The following ADAM32 variants were observed in gnomAD, a reference collection of about 807,000 sequenced individuals.
ADAM32 encodes the protein disintegrin and metalloproteinase domain-containing protein 32.
Under a neutral mutation model 114.9 loss-of-function variants are expected in ADAM32, and 89 were observed. The observed-to-expected ratio is 0.77, with a 90% confidence interval of 0.65 to 0.92. The LOEUF is 0.92. ADAM32 is among the 40% of genes least tolerant of loss of function. The pLI is 0.00. For synonymous variants in ADAM32, 285 were observed against 307.5 expected (o/e 0.93, Z 0.77); for missense variants, 870 against 932.8 (o/e 0.93, Z 0.88).
At chr8:39,125,288 T>C (rs112695645) in intron 2 of ADAM32, among the ~76,000 whole-genome samples, 35,324 of 152,108 alleles carry the variant, frequency 0.23, 4,778 homozygotes, top group Non-Finnish European at 0.29. Flanking sequence ...TTTGTCTTGC[T>C]AGGTTTTGGA....
intron 19 of ADAM32, among the ~76,000 whole-genome samples, chr8:39,258,230 C>A (rs1365596843): frequency 2.0e-5 from 3 of 150,550 alleles, no homozygotes; most frequent in Non-Finnish European, 4.4e-5. Context: ...GTCTCTATTT[C>A]TATTGTTTTT....
chr8:39,129,932 C>T (rs1238337875), intron 2 of ADAM32: 2 of 350,754 alleles, frequency 5.7e-6, no homozygotes, highest in Non-Finnish European at 1.1e-5. Flanking sequence ...AATATGTTGG[C>T]ATAAAATTGT....
chr8:39,244,879 A>G (rs1454045050), intron 16 of ADAM32, among the ~76,000 whole-genome samples: 3 of 152,230 alleles, frequency 2.0e-5, no homozygotes, highest in Non-Finnish European at 4.4e-5. Flanking sequence ...AGACTTAAAT[A>G]TAACACCTGA....
At position 39,215,537 on chromosome 8, in the gene ADAM32, C is replaced by A. The variant is rs182921203; in HGVS notation, c.1233+4213C>A. ...ATAAGTGCGTAGAGCTATAAACATA[C>A]CTTTTAGTACTGTTTTGCTCTATCC... On this transcript the variant is annotated intron_variant, in intron 12 of 24. Transcript: ENST00000379907. Among the ~76,000 whole-genome samples the A allele has an allele frequency of 2.6e-5, 4 of 151,982 alleles. No homozygotes were observed. The East Asian group carries it at 7.7e-4, about 29-fold the overall frequency.
At chr8:39,149,933 C>A in intron 5 of ADAM32, 66 bp downstream of exon 5, 1 of 1,365,240 alleles carries the variant, frequency 7.3e-7, no homozygotes. Context: ...AATTTGTTCT[C>A]TTTGTATTAA....
intron 14 of ADAM32, among the ~76,000 whole-genome samples, chr8:39,225,127 C>T (rs1809265428): frequency 6.6e-6 from 1 of 152,144 alleles, no homozygotes; most frequent in Non-Finnish European, 1.5e-5. Context: ...TATTTTATAG[C>T]TCTGGGACTT....
intron 2 of ADAM32, among the ~76,000 whole-genome samples, chr8:39,133,631 G>T (rs1029659478): frequency 1.3e-5 from 2 of 152,182 alleles, no homozygotes; most frequent in Non-Finnish European, 2.9e-5. Flanking sequence ...CAGTAGGCTG[G>T]GTCAGCCAGT....
intron 6 of ADAM32, among the ~76,000 whole-genome samples, chr8:39,158,934 G>GT (rs369684115): frequency 4.0e-5 from 6 of 151,612 alleles, no homozygotes; most frequent in African/African-American, 1.2e-4. Context: ...GTTTCCTTTA[G>GT]TTTTTTTTAC....
chr8:39,244,157 G>A (rs1810742732), intron 16 of ADAM32, among the ~76,000 whole-genome samples: 3 of 152,098 alleles, frequency 2.0e-5, no homozygotes, highest in Admixed American at 2.0e-4. Flanking sequence ...GCTCATGGAT[G>A]GGTAGAATCA....
intron 1 of ADAM32, among the ~76,000 whole-genome samples, chr8:39,116,784 G>A (rs928753750): frequency 6.6e-6 from 1 of 152,166 alleles, no homozygotes; most frequent in African/African-American, 2.4e-5. Context: ...TTGAATGGGA[G>A]TGGTGAGAGT....
intron 17 of ADAM32, among the ~76,000 whole-genome samples, chr8:39,249,050 C>T (rs1254595639): frequency 6.6e-6 from 1 of 151,626 alleles, no homozygotes; most frequent in Non-Finnish European, 1.5e-5. Flanking sequence ...CTACAGGGGT[C>T]CTGCCACCAT....
At chr8:39,198,756 T>A (rs1028240016) in intron 11 of ADAM32, among the ~76,000 whole-genome samples, 1 of 151,946 alleles carries the variant, frequency 6.6e-6, no homozygotes, top group African/African-American at 2.4e-5. Flanking sequence ...TTTTCTCTTC[T>A]CCTTTTCTTT....
intron 17 of ADAM32, among the ~76,000 whole-genome samples, chr8:39,249,108 G>T (rs1237702575): frequency 1.3e-5 from 2 of 151,942 alleles, no homozygotes; most frequent in Non-Finnish European, 2.9e-5. Flanking sequence ...GTTTCATCGT[G>T]TTAGCCAGGA....
rs144074672 is a variant in ADAM32, at chr8:39,254,644, T to G, written c.2005+128T>G. On this transcript the variant is annotated intron_variant, in intron 18 of 24. Transcript: ENST00000379907. ...TGTAATAAAAAGGTAATCAGAATTC[T>G]CTCAAGGAATGGAAACCAAACATGC... 9.6e-4 allele frequency: 611 copies of G among 635,012 alleles called. 3 individuals carry two copies. The African/African-American group carries it at 0.011, about 11-fold the overall frequency. 39.3% of individuals were successfully genotyped at this position (635,012 alleles called of 1,614,324 possible).
intron 17 of ADAM32, 149 bp downstream of exon 17, chr8:39,246,315 A>G (rs1810916562): frequency 4.6e-6 from 3 of 648,462 alleles, no homozygotes; most frequent in Non-Finnish European, 8.0e-6. Context: ...CATTAAATTC[A>G]GCAGCCATAA....
At chr8:39,155,578 C>T (rs897398186) in intron 6 of ADAM32, among the ~76,000 whole-genome samples, 1 of 152,112 alleles carries the variant, frequency 6.6e-6, no homozygotes, top group African/African-American at 2.4e-5. Flanking sequence ...AGCAAGATGA[C>T]ACAATAAATA....
At chr8:39,160,682 T>C (rs977556887) in intron 6 of ADAM32, among the ~76,000 whole-genome samples, 2 of 152,068 alleles carry the variant, frequency 1.3e-5, no homozygotes, top group African/African-American at 4.8e-5. Flanking sequence ...GTTGTAGATA[T>C]ACTGAGATAG....
intron 2 of ADAM32, among the ~76,000 whole-genome samples, chr8:39,118,583 G>A (rs1177794193): frequency 6.6e-6 from 1 of 152,000 alleles, no homozygotes; most frequent in Non-Finnish European, 1.5e-5. Context: ...TATTAGAAAG[G>A]GAAATACTTT....
intron 11 of ADAM32, among the ~76,000 whole-genome samples, chr8:39,201,761 G>A (rs1807431546): frequency 6.6e-6 from 1 of 152,158 alleles, no homozygotes; most frequent in Admixed American, 6.5e-5. Flanking sequence ...ATTGGCTGTG[G>A]GTTTGTCATA....
Sources: allele counts gnomAD v4.1 joint callset (sites outside exome capture counted in the v4.1 genomes callset), GRCh38; gene constraint gnomAD v4.1.1; transcripts MANE v1.5; gene names NCBI Gene and HGNC (gene_info 2026-07-23, HGNC 2026-07-21).